CACNA2D3: variants seen among roughly 807,000 people sequenced by gnomAD.
CACNA2D3 encodes calcium voltage-gated channel auxiliary subunit alpha2delta 3.
In CACNA2D3, 60 loss-of-function variants were observed where a neutral mutation model predicts 160.6. The ratio of observed to expected loss-of-function variants is 0.37; its 90% CI spans 0.30 to 0.46. CACNA2D3 has a LOEUF of 0.46. Ranked by LOEUF, CACNA2D3 falls within the 20% of genes least tolerant of loss-of-function variation. The pLI is 1.00. For missense variants in CACNA2D3, 1,205 were observed against 1,365.0 expected, an observed-to-expected ratio of 0.88 and a Z score of 1.85; for synonymous variants, 558 against 492.9, an observed-to-expected ratio of 1.13 and a Z score of -1.75.
chr3:54,305,378 T>G (rs912307237), intron 2 of CACNA2D3, among the ~76,000 whole-genome samples: 1 of 152,264 alleles, frequency 6.6e-6, no homozygotes, highest in Non-Finnish European at 1.5e-5. Context: ...TGTTTACCTT[T>G]CCTCAGTCCA....
chr3:54,249,751 A>G (rs527667729), intron 2 of CACNA2D3, among the ~76,000 whole-genome samples: 24 of 140,838 alleles, frequency 1.7e-4, no homozygotes, highest in Non-Finnish European at 2.5e-4. Context: ...TCAACATTCT[A>G]TACCAAAATT....
chr3:54,546,373 C>G (rs1702064714), intron 5 of CACNA2D3, among the ~76,000 whole-genome samples: 1 of 152,124 alleles, frequency 6.6e-6, no homozygotes. Context: ...TGGGAAGACA[C>G]CTAACTTGAA....
At chr3:54,749,632 T>C (rs1701820694) in intron 11 of CACNA2D3, among the ~76,000 whole-genome samples, 1 of 152,166 alleles carries the variant, frequency 6.6e-6, no homozygotes, top group South Asian at 2.1e-4. Context: ...TAAAGTAAAA[T>C]CTCTTTTCTT....
At chr3:54,472,432 C>T (rs1432364602) in intron 4 of CACNA2D3, among the ~76,000 whole-genome samples, 1 of 152,130 alleles carries the variant, frequency 6.6e-6, no homozygotes, top group Non-Finnish European at 1.5e-5. Context: ...AAACCACAGC[C>T]AATATCATAC....
intron 2 of CACNA2D3, among the ~76,000 whole-genome samples, chr3:54,193,787 T>C (rs1352191181): frequency 6.6e-6 from 1 of 152,222 alleles, no homozygotes; most frequent in Non-Finnish European, 1.5e-5. Context: ...GTCAGCTCCA[T>C]GGCCTGAGAG....
chr3:54,532,592 G>A (rs1179117902), intron 5 of CACNA2D3, among the ~76,000 whole-genome samples: 1 of 152,126 alleles, frequency 6.6e-6, no homozygotes, highest in Non-Finnish European at 1.5e-5. Flanking sequence ...TGAAGATAAT[G>A]GCCTCTAGTT....
At chr3:54,820,721 G>A (rs1703571202) in intron 14 of CACNA2D3, among the ~76,000 whole-genome samples, 1 of 152,160 alleles carries the variant, frequency 6.6e-6, no homozygotes, top group South Asian at 2.1e-4. Flanking sequence ...ACAATGAAGA[G>A]AGGTCTATGT....
At chr3:54,634,819 G>A (rs929096766) in intron 10 of CACNA2D3, among the ~76,000 whole-genome samples, 4 of 152,176 alleles carry the variant, frequency 2.6e-5, no homozygotes, top group Admixed American at 2.0e-4. Context: ...ATCAGTTAAG[G>A]TGGGGCAGGG....
At chr3:54,310,802 C>T (rs1354693452) in intron 2 of CACNA2D3, among the ~76,000 whole-genome samples, 2 of 152,208 alleles carry the variant, frequency 1.3e-5, no homozygotes, top group African/African-American at 4.8e-5. Context: ...TCTGCTGCTG[C>T]GTACTTTACA....
intron 13 of CACNA2D3, among the ~76,000 whole-genome samples, chr3:54,810,071 G>A (rs370668611): frequency 6.6e-6 from 1 of 152,198 alleles, no homozygotes; most frequent in Non-Finnish European, 1.5e-5. Flanking sequence ...TGACGCATGG[G>A]TAGGGAATCA....
chr3:54,244,405 A>G (rs1235044635), intron 2 of CACNA2D3, among the ~76,000 whole-genome samples: 7 of 152,238 alleles, frequency 4.6e-5, no homozygotes, highest in Non-Finnish European at 8.8e-5. Flanking sequence ...TATGAAACAC[A>G]GTAATATTTG....
intron 9 of CACNA2D3, among the ~76,000 whole-genome samples, chr3:54,624,328 A>C (rs1311330715): frequency 6.6e-6 from 1 of 152,244 alleles, no homozygotes; most frequent in East Asian, 1.9e-4. Context: ...GTTGTTTAAA[A>C]AAATGCTCTG....
rs555746688 is a variant in CACNA2D3 at position 54,828,569 on chromosome 3, C to T, written c.1399-8590C>T. ...AAAGGACAGAATATCAAAATGTTCCCGAATAATAACAATTTTATTAGAAGA... is the reference window on the plus strand; with the variant it reads ...AAAGGACAGAATATCAAAATGTTCCTGAATAATAACAATTTTATTAGAAGA... On this transcript the variant is annotated intron_variant, in intron 14 of 37. Coordinates refer to ENST00000474759, the MANE Select transcript of CACNA2D3 (RefSeq NM_018398.3). Among the ~76,000 whole-genome samples the T allele has an allele frequency of 4.6e-5, 7 of 152,166 alleles. No individual in the cohort carries two copies. In the South Asian group the frequency reaches 6.2e-4, roughly 14 times the overall value.
intron 2 of CACNA2D3, among the ~76,000 whole-genome samples, chr3:54,281,880 A>G (rs1702888705): frequency 6.6e-6 from 1 of 152,156 alleles, no homozygotes; most frequent in African/African-American, 2.4e-5. Flanking sequence ...TACTGACAGG[A>G]GTTAACACTG....
intron 35 of CACNA2D3, among the ~76,000 whole-genome samples, chr3:55,070,033 T>G (rs77676815): frequency 0.023 from 3,535 of 152,278 alleles, 130 homozygotes; most frequent in African/African-American, 0.077. Context: ...CTTTATCATT[T>G]CAAGTTCTGT....
rs566133268 is a variant in CACNA2D3 at position 54,993,446 on chromosome 3, A to G, written c.2690+5693A>G. Among the ~76,000 whole-genome samples, 8 of 152,346 alleles carry G rather than the reference A, an allele frequency of 5.3e-5. No homozygotes were observed. In the South Asian group the frequency reaches 1.0e-3, roughly 20 times the overall value. Reference sequence around the variant, plus strand: ...GAGCTGGGCACCAACCTGGACATGAAGTGCCATTTGTTACATGAGAAGCAC... The same window carrying G: ...GAGCTGGGCACCAACCTGGACATGAGGTGCCATTTGTTACATGAGAAGCAC... On this transcript the variant is annotated intron_variant, in intron 31 of 37. Coordinates refer to ENST00000474759, the MANE Select transcript of CACNA2D3 (RefSeq NM_018398.3).
chr3:54,963,469 C>G (rs540739393), intron 27 of CACNA2D3, among the ~76,000 whole-genome samples: 2 of 152,172 alleles, frequency 1.3e-5, no homozygotes, highest in East Asian at 3.8e-4. Flanking sequence ...GAGCACTTGA[C>G]ATCTAACTAG....
At chr3:54,690,913 A>G (rs1301459941) in intron 11 of CACNA2D3, among the ~76,000 whole-genome samples, 1 of 152,158 alleles carries the variant, frequency 6.6e-6, no homozygotes. Flanking sequence ...GCCCCACTCA[A>G]TCGAGGGCTG....
At chr3:54,654,281 G>A (rs551222777) in intron 11 of CACNA2D3, among the ~76,000 whole-genome samples, 1 of 152,186 alleles carries the variant, frequency 6.6e-6, no homozygotes, top group Non-Finnish European at 1.5e-5. Flanking sequence ...TCATATTTTG[G>A]GGTTTTGAGG....
Sources: gnomAD v4.1 joint callset for allele counts (sites outside exome capture counted in the v4.1 genomes callset) on GRCh38, gnomAD v4.1.1 for gene constraint, MANE v1.5 for transcripts, NCBI Gene and HGNC (gene_info 2026-07-23, HGNC 2026-07-21) for gene names.